The following NDUFS3 variants were observed in gnomAD, a reference collection of about 807,000 sequenced individuals.
NDUFS3 encodes NADH:ubiquinone oxidoreductase core subunit S3.
Under a neutral mutation model 30.8 loss-of-function variants are expected in NDUFS3, and 19 were observed. The ratio of observed to expected loss-of-function variants is 0.62; its 90% confidence interval spans 0.43 to 0.91. NDUFS3 has a LOEUF of 0.91. NDUFS3 is among the 40% of genes least tolerant of loss of function. The probability of loss-of-function intolerance (pLI) is 0.00; values close to 1 mark genes in which losing one functional copy is unlikely to be tolerated. For synonymous variants in NDUFS3, 153 were observed against 135.8 expected, an observed-to-expected ratio of 1.13 and a Z score of -0.88; for missense variants, 331 against 342.0, an observed-to-expected ratio of 0.97 and a Z score of 0.25.
chr11:47,580,018 CA>C (rs2097267422), intron 2 of NDUFS3, among the ~76,000 whole-genome samples: 5 of 125,126 alleles, frequency 4.0e-5, no homozygotes, highest in African/African-American at 1.6e-4. Context: ...CACACACACA[CA>C]CACACACACA....
chr11:47,582,563 TGTG>T (rs2097269276), intron 6 of NDUFS3, 95 bp downstream of exon 6: 1 of 1,592,636 alleles, frequency 6.3e-7, no homozygotes, highest in Non-Finnish European at 8.6e-7. Context: ...GTCTGTGGAT[TGTG>T]GTGGTTTAAG....
At chr11:47,584,256 C>T in intron 6 of NDUFS3, 58 bp from the exon 7 acceptor site, 1 of 1,610,152 alleles carries the variant, frequency 6.2e-7, no homozygotes, top group South Asian at 1.1e-5. Context: ...AAAGTAGGCT[C>T]CTGTGTAGCT....
chr11:47,579,169 G>A lies in NDUFS3; in HGVS notation c.67+11G>A, dbSNP rs2097266352. 1.2e-6 allele frequency: 2 copies of A among 1,611,630 alleles called. No homozygotes were observed. Among genetic ancestry groups the A allele is most frequent in the East Asian group, 2.2e-5 (1 of 44,850 alleles). On this transcript the variant is annotated intron_variant, in intron 1 of 6. Coordinates refer to ENST00000263774, the MANE Select transcript of NDUFS3 (RefSeq NM_004551.3). ...CGGCGCTGACCAGGGGTGAGCACGG[G>A]CAGCCAGCTGAGACCGGGGTCAGGC...
chr11:47,579,705 C>A (rs1177013409), intron 2 of NDUFS3: 5 of 411,346 alleles, frequency 1.2e-5, no homozygotes, highest in South Asian at 1.0e-4. Context: ...GTCCTCACAA[C>A]AGCCTTATGG....
intron 6 of NDUFS3, 129 bp from the exon 7 acceptor site, chr11:47,584,185 G>T (rs2097270034): frequency 2.5e-6 from 3 of 1,207,756 alleles, no homozygotes; most frequent in African/African-American, 3.0e-5. Context: ...ACTGACAGAG[G>T]CTGGGACAGG....
In NDUFS3 at chr11:47,584,490, A is replaced by G. The variant is rs770060575; in HGVS notation, c.*9A>G. Reference sequence around the variant, plus strand: ...AGCCTGATGCCAAGTAGCTCCAGGGAACGCATGTGGATCCTAGACAGCGCC... The same window carrying G: ...AGCCTGATGCCAAGTAGCTCCAGGGGACGCATGTGGATCCTAGACAGCGCC... On this transcript the variant is annotated 3_prime_UTR_variant, in exon 7 of 7. Coordinates refer to ENST00000263774, the MANE Select transcript of NDUFS3 (RefSeq NM_004551.3). 6.2e-7 allele frequency: 1 copy of G among 1,613,942 alleles called. No individual in the cohort carries two copies. Among genetic ancestry groups the G allele is most frequent in the Non-Finnish European group, 8.5e-7 (1 of 1,179,974 alleles).
In NDUFS3 at chr11:47,583,321, G is replaced by A. The variant is rs548788753; in HGVS notation, c.627+853G>A. ...CCGCCTCAGCTTCTCAAAAGTGCTG[G>A]GATTACAGGTGTGAGCCACCACACC... is the stretch of plus-strand genomic sequence containing the variant. On this transcript the variant is annotated intron_variant, in intron 6 of 6. Transcript: ENST00000263774. Among the ~76,000 whole-genome samples, 50 of 152,100 alleles carry A rather than the reference G, an allele frequency of 3.3e-4. 1 individual carries two copies. Among genetic ancestry groups the A allele is most frequent in the Non-Finnish European group, 6.0e-4 (41 of 68,010 alleles).
chr11:47,584,473 G>GC lies in NDUFS3; in HGVS notation c.789dup (p.Lys264GlnfsTer11). On this transcript the variant is annotated frameshift_variant, in exon 7 of 7. Coordinates refer to ENST00000263774, the MANE Select transcript of NDUFS3 (RefSeq NM_004551.3). LOFTEE classifies it high-confidence loss of function. The stretch of plus-strand genomic sequence containing the variant: ...TGAAGCCGGAGACAAGAAGCCTGAT[G>GC]CCAAGTAGCTCCAGGGAACGCATGT... The GC allele has an allele frequency of 4.3e-6, 7 of 1,614,096 alleles. No individual in the cohort carries two copies. Among genetic ancestry groups the GC allele is most frequent in the Non-Finnish European group, 5.9e-6 (7 of 1,180,014 alleles).
intron 2 of NDUFS3, 98 bp downstream of exon 2, chr11:47,579,432 A>C: frequency 6.7e-7 from 1 of 1,486,698 alleles, no homozygotes; most frequent in Non-Finnish European, 9.3e-7. Flanking sequence ...TCCTCCTGGC[A>C]AATCTTGGAG....
chr11:47,584,452 G>C lies in NDUFS3; in HGVS notation c.766G>C (p.Ala256Pro), dbSNP rs1245477393. Residue 256 changes from alanine to proline, a missense_variant, in exon 7 of 7, where the codon GCC becomes CCC. Coordinates refer to ENST00000263774, the MANE Select transcript of NDUFS3 (RefSeq NM_004551.3). ...ACCCCCGGAGAGTCTCAAGCTTGAA[G>C]CCGGAGACAAGAAGCCTGATGCCAA... The part of the protein sequence containing the change: ...RQPPESLKLE[A>P]GDKKPDAK 5 of 1,614,156 alleles carry C rather than the reference G, an allele frequency of 3.1e-6. No homozygotes were observed. The Admixed American group carries it at 8.3e-5, about 27-fold the overall frequency.
At chr11:47,583,375 T>C (rs1187268911) in intron 6 of NDUFS3, among the ~76,000 whole-genome samples, 3 of 152,094 alleles carry the variant, frequency 2.0e-5, no homozygotes, top group Non-Finnish European at 4.4e-5. Context: ...ATTGTAATGA[T>C]CATTTTAATG....
chr11:47,581,561 AT>A, intron 4 of NDUFS3: 1 of 226,572 alleles, frequency 4.4e-6, no homozygotes, highest in Non-Finnish European at 8.8e-6. Flanking sequence ...GTTCAAGTAA[AT>A]TGCTTGCACA....
At chr11:47,582,275 C>G (rs2233358) in intron 5 of NDUFS3, 62 bp downstream of exon 5, 1 of 1,614,170 alleles carries the variant, frequency 6.2e-7, no homozygotes, top group Non-Finnish European at 8.5e-7. Flanking sequence ...GTTCAGACTA[C>G]GGGATGCAGT....
At chr11:47,581,157 TA>T in intron 4 of NDUFS3, 173 bp downstream of exon 4, 5 of 782,422 alleles carry the variant, frequency 6.4e-6, no homozygotes, top group Non-Finnish European at 1.0e-5. Context: ...ATATTTTGTT[TA>T]ATTTTTTTTT....
chr11:47,579,455 G>A, intron 2 of NDUFS3, 121 bp downstream of exon 2: 4 of 1,282,420 alleles, frequency 3.1e-6, no homozygotes, highest in Non-Finnish European at 4.4e-6. Context: ...CTGACTTGCA[G>A]TGGTCTTCAC....
intron 2 of NDUFS3, 57 bp from the exon 3 acceptor site, chr11:47,580,468 T>C (rs925229572): frequency 2.6e-6 from 4 of 1,531,526 alleles, no homozygotes; most frequent in South Asian, 2.2e-5. Context: ...AGAGACTGCA[T>C]GCAGGGCTGG....
In NDUFS3 at chr11:47,582,122, C is replaced by CA; in HGVS notation, c.417dup (p.Arg140ThrfsTer10). Reference sequence around the variant, plus strand: ...AACCTGTTGTCTCTGCGCTTCAACTCACGGATCCGTGTGAAGACCTACACA... The same window carrying CA: ...AACCTGTTGTCTCTGCGCTTCAACTCAACGGATCCGTGTGAAGACCTACACA... On this transcript the variant is annotated frameshift_variant, in exon 5 of 7. Coordinates refer to ENST00000263774, the MANE Select transcript of NDUFS3 (RefSeq NM_004551.3). LOFTEE classifies it high-confidence loss of function. 6.2e-7 allele frequency: 1 copy of CA among 1,613,948 alleles called. No individual in the cohort carries two copies. Among genetic ancestry groups the CA allele is most frequent in the Non-Finnish European group, 8.5e-7 (1 of 1,179,964 alleles).
chr11:47,580,789 C>T (rs752178364), intron 3 of NDUFS3, 46 bp from the exon 4 acceptor site: 1 of 1,613,314 alleles, frequency 6.2e-7, no homozygotes, highest in South Asian at 1.1e-5. Flanking sequence ...TTAGCTGTTC[C>T]CTCAGTAGCT....
At chr11:47,584,293 G>A in intron 6 of NDUFS3, 21 bp from the exon 7 acceptor site, 1 of 1,613,956 alleles carries the variant, frequency 6.2e-7, no homozygotes, top group Non-Finnish European at 8.5e-7. Context: ...TAGTGCTCAA[G>A]CCTGCCTTTT....
Sources: allele counts gnomAD v4.1 joint callset (sites outside exome capture counted in the v4.1 genomes callset), GRCh38; gene constraint gnomAD v4.1.1; transcripts MANE v1.5; gene names NCBI Gene and HGNC (gene_info 2026-07-23, HGNC 2026-07-21).